Variants in CAMK1D observed in about 807,000 individuals in gnomAD.
CAMK1D encodes the protein calcium/calmodulin dependent protein kinase ID.
Under a neutral mutation model 47.7 loss-of-function variants are expected in CAMK1D, and 9 were observed. The ratio of observed to expected loss-of-function variants is 0.19; its 90% CI spans 0.11 to 0.33. The LOEUF is 0.33. Among genes scored for constraint, CAMK1D ranks in the 10% least tolerant of loss-of-function variants. The pLI is 1.00. For synonymous variants in CAMK1D, 184 were observed against 184.9 expected (o/e 0.99, Z 0.04); for missense variants, 291 against 488.7 (o/e 0.60, Z 3.81).
At chr10:12,798,666 A>G (rs1174167173) in intron 6 of CAMK1D, among the ~76,000 whole-genome samples, 1 of 152,210 alleles carries the variant, frequency 6.6e-6, no homozygotes, top group Non-Finnish European at 1.5e-5. Context: ...TCAATTATCT[A>G]AAGATAAAAT....
chr10:12,553,150 G>A (rs1836642724), intron 1 of CAMK1D, 75 bp from the exon 2 acceptor site: 2 of 1,606,166 alleles, frequency 1.2e-6, no homozygotes, highest in Admixed American at 1.7e-5. Context: ...TCAAACTTCG[G>A]TGGTAGGGTG....
At chr10:12,787,549 C>T (rs1349834343) in intron 5 of CAMK1D, among the ~76,000 whole-genome samples, 1 of 152,192 alleles carries the variant, frequency 6.6e-6, no homozygotes, top group East Asian at 1.9e-4. Flanking sequence ...TGTATTCCTG[C>T]TGTCTTCCTT....
chr10:12,527,761 G>A (rs1216599974), intron 1 of CAMK1D, among the ~76,000 whole-genome samples: 1 of 152,150 alleles, frequency 6.6e-6, no homozygotes, highest in South Asian at 2.1e-4. Flanking sequence ...TTCAACTTTC[G>A]ACTTCACTGT....
intron 3 of CAMK1D, among the ~76,000 whole-genome samples, chr10:12,684,858 A>G (rs1382659617): frequency 6.6e-6 from 1 of 152,160 alleles, no homozygotes; most frequent in African/African-American, 2.4e-5. Context: ...TTTACTGTAT[A>G]AAACAGGCAA....
At chr10:12,380,679 A>G (rs1008676649) in intron 1 of CAMK1D, among the ~76,000 whole-genome samples, 2 of 152,114 alleles carry the variant, frequency 1.3e-5, no homozygotes, top group Non-Finnish European at 2.9e-5. Context: ...ACACGGTGAA[A>G]CCCCATCTCT....
intron 1 of CAMK1D, among the ~76,000 whole-genome samples, chr10:12,540,350 GAA>G (rs1836126640): frequency 1.3e-5 from 2 of 152,278 alleles, no homozygotes; most frequent in African/African-American, 4.8e-5. Flanking sequence ...CAAATGGCAT[GAA>G]AAGAGCAGAG....
intron 2 of CAMK1D, among the ~76,000 whole-genome samples, chr10:12,564,073 A>G (rs766546353): frequency 1.1e-4 from 16 of 151,564 alleles, no homozygotes; most frequent in Middle Eastern, 3.4e-3. Flanking sequence ...CTGTCTGTCT[A>G]TCTATCTAGA....
intron 2 of CAMK1D, among the ~76,000 whole-genome samples, chr10:12,637,088 C>T (rs916931415): frequency 6.6e-6 from 1 of 152,204 alleles, no homozygotes; most frequent in African/African-American, 2.4e-5. Context: ...TCTCCTGCCA[C>T]AGCCTCCCAA....
At chr10:12,544,729 GTTGAGTGGATAGTACTAGTA>G (rs1836304638) in intron 1 of CAMK1D, among the ~76,000 whole-genome samples, 2 of 152,056 alleles carry the variant, frequency 1.3e-5, no homozygotes, top group Admixed American at 6.5e-5. Context: ...TAGTACTAGT[GTTGAGTGGATAGTACTAGTA>G]TTGAGTGGAT....
intron 2 of CAMK1D, among the ~76,000 whole-genome samples, chr10:12,554,848 G>A (rs1039981392): frequency 6.6e-6 from 1 of 152,166 alleles, no homozygotes; most frequent in African/African-American, 2.4e-5. Flanking sequence ...CTGGCTCCCA[G>A]AACCATTCTG....
At chr10:12,575,079 TTTTTTCTTTTTTC>T (rs1382429645) in intron 2 of CAMK1D, among the ~76,000 whole-genome samples, 2 of 151,960 alleles carry the variant, frequency 1.3e-5, no homozygotes, top group South Asian at 4.2e-4. Flanking sequence ...TCACTCCTAT[TTTTTTCTTTTTTC>T]TTTTTCTTTT....
chr10:12,605,991 A>G (rs1838447998), intron 2 of CAMK1D, among the ~76,000 whole-genome samples: 1 of 152,210 alleles, frequency 6.6e-6, no homozygotes. Flanking sequence ...CCGTGAGAGA[A>G]GCATTGCAAA....
chr10:12,588,945 CATATTT>C lies in CAMK1D; in HGVS notation c.224+35594_224+35599del, dbSNP rs1375263353. Among the ~76,000 whole-genome samples, 4 of 151,390 alleles carry C rather than the reference CATATTT, an allele frequency of 2.6e-5. No individual in the cohort carries two copies. In the South Asian group the frequency reaches 6.2e-4, roughly 24 times the overall value. Reference sequence around the variant, plus strand: ...CCTATATATACATGTATACAATACACATATTTATATACAGGTGCATGTTACATACAT... The same window carrying C: ...CCTATATATACATGTATACAATACACATATACAGGTGCATGTTACATACAT... On this transcript the variant is annotated intron_variant, in intron 2 of 10. Coordinates refer to ENST00000619168, the MANE Select transcript of CAMK1D (RefSeq NM_153498.4).
chr10:12,483,064 T>C (rs1017185181), intron 1 of CAMK1D, among the ~76,000 whole-genome samples: 1 of 152,196 alleles, frequency 6.6e-6, no homozygotes, highest in African/African-American at 2.4e-5. Context: ...TTCTAATCTC[T>C]CATTCTAATG....
At chr10:12,552,907 A>C (rs990391480) in intron 1 of CAMK1D, among the ~76,000 whole-genome samples, 2 of 151,956 alleles carry the variant, frequency 1.3e-5, no homozygotes, top group African/African-American at 2.4e-5. Context: ...ACCTCTGGCT[A>C]ATTTTTTGTA....
intron 1 of CAMK1D, among the ~76,000 whole-genome samples, chr10:12,432,778 T>G (rs1832524929): frequency 6.6e-6 from 1 of 152,264 alleles, no homozygotes; most frequent in African/African-American, 2.4e-5. Context: ...TTGTCCACCC[T>G]TACCGTGTCC....
chr10:12,774,849 G>T (rs1018351342), intron 5 of CAMK1D, among the ~76,000 whole-genome samples: 7 of 152,388 alleles, frequency 4.6e-5, no homozygotes, highest in African/African-American at 1.7e-4. Flanking sequence ...ATGATCTGAG[G>T]TGGAACAGTT....
chr10:12,594,867 C>T (rs12412682), intron 2 of CAMK1D, among the ~76,000 whole-genome samples: 1,639 of 152,264 alleles, frequency 0.011, 70 homozygotes, highest in Admixed American at 0.072. Flanking sequence ...AGCCATATTG[C>T]AGCCAGGCCC....
intron 2 of CAMK1D, among the ~76,000 whole-genome samples, chr10:12,649,019 A>T (rs1214767099): frequency 1.3e-5 from 2 of 151,916 alleles, no homozygotes; most frequent in Non-Finnish European, 2.9e-5. Context: ...GACACCCACC[A>T]CCATGCTCAG....
Sources: allele counts gnomAD v4.1 joint callset (sites outside exome capture counted in the v4.1 genomes callset), GRCh38; gene constraint gnomAD v4.1.1; transcripts MANE v1.5; gene names NCBI Gene and HGNC (gene_info 2026-07-23, HGNC 2026-07-21).